The following CAMKMT variants were observed in gnomAD, a reference collection of about 807,000 sequenced individuals.
The protein encoded by CAMKMT is calmodulin-lysine N-methyltransferase, also known as CaM KMT.
Under a neutral mutation model 48.0 loss-of-function variants are expected in CAMKMT, and 53 were observed. The observed-to-expected ratio is 1.10, with a 90% CI of 0.89 to 1.39. The LOEUF is 1.39. Among genes scored for constraint, CAMKMT ranks in the 40% most tolerant of loss-of-function variants. The pLI is 0.00. For missense variants in CAMKMT, 428 were observed against 402.7 expected (o/e 1.06, Z -0.54); for synonymous variants, 165 against 152.3 (o/e 1.08, Z -0.61).
chr2:44,522,352 A>G (rs1404372875), intron 3 of CAMKMT, among the ~76,000 whole-genome samples: 1 of 152,072 alleles, frequency 6.6e-6, no homozygotes, highest in Non-Finnish European at 1.5e-5. Flanking sequence ...CTAAACTGAT[A>G]CAATTCCTTT....
intron 3 of CAMKMT, among the ~76,000 whole-genome samples, chr2:44,580,625 A>G (rs1208621295): frequency 2.6e-5 from 4 of 152,206 alleles, no homozygotes; most frequent in Non-Finnish European, 5.9e-5. Context: ...TCAAAAGAAT[A>G]GGGACAATTT....
At chr2:44,615,171 C>G (rs1044845568) in intron 3 of CAMKMT, among the ~76,000 whole-genome samples, 1 of 151,858 alleles carries the variant, frequency 6.6e-6, no homozygotes, top group Non-Finnish European at 1.5e-5. Flanking sequence ...AGTGATCCCC[C>G]GACCTCAGCC....
chr2:44,416,966 C>T (rs932247739), intron 3 of CAMKMT, among the ~76,000 whole-genome samples: 1 of 151,938 alleles, frequency 6.6e-6, no homozygotes. Context: ...CAGGGTCTCC[C>T]TCTGTTGCCC....
At chr2:44,667,596 T>C (rs1424876693) in intron 3 of CAMKMT, among the ~76,000 whole-genome samples, 2 of 152,208 alleles carry the variant, frequency 1.3e-5, no homozygotes, top group Non-Finnish European at 2.9e-5. Context: ...AGATCATCTA[T>C]CTGTAGTTTG....
intron 3 of CAMKMT, among the ~76,000 whole-genome samples, chr2:44,407,077 A>C (rs1074855): frequency 0.023 from 3,537 of 152,240 alleles, 153 homozygotes; most frequent in African/African-American, 0.081. Context: ...TTAGGTCATT[A>C]GTGTAGGAGA....
At chr2:44,500,686 CT>C (rs528633654) in intron 3 of CAMKMT, among the ~76,000 whole-genome samples, 7,075 of 138,262 alleles carry the variant, frequency 0.051, 532 homozygotes, top group African/African-American at 0.17. Flanking sequence ...TTCTCAGATA[CT>C]TTTTTTTTTT....
chr2:44,592,128 G>A (rs1320853920), intron 3 of CAMKMT, among the ~76,000 whole-genome samples: 1 of 151,902 alleles, frequency 6.6e-6, no homozygotes, highest in Non-Finnish European at 1.5e-5. Flanking sequence ...ACGAGTTAAT[G>A]GGTGCAGCAC....
intron 3 of CAMKMT, among the ~76,000 whole-genome samples, chr2:44,512,013 A>C (rs1378890513): frequency 3.9e-5 from 6 of 152,172 alleles, no homozygotes; most frequent in Non-Finnish European, 8.8e-5. Context: ...ACGTTCTGAG[A>C]ACTTTCTCTG....
At chr2:44,415,718 C>G (rs1027934768) in intron 3 of CAMKMT, among the ~76,000 whole-genome samples, 2 of 152,262 alleles carry the variant, frequency 1.3e-5, no homozygotes, top group Non-Finnish European at 1.5e-5. Flanking sequence ...AATGATTCCA[C>G]ATTTCTTCAA....
intron 3 of CAMKMT, among the ~76,000 whole-genome samples, chr2:44,683,456 T>C (rs1438970271): frequency 6.6e-6 from 1 of 152,210 alleles, no homozygotes; most frequent in Non-Finnish European, 1.5e-5. Flanking sequence ...CTAGCCTCTG[T>C]GTGCTAAGCA....
intron 3 of CAMKMT, among the ~76,000 whole-genome samples, chr2:44,580,108 CT>C (rs1359171160): frequency 2.0e-5 from 3 of 152,026 alleles, no homozygotes; most frequent in Admixed American, 1.3e-4. Flanking sequence ...TTTGTTCTAC[CT>C]TTGAAATGTC....
intron 1 of CAMKMT, 33 bp downstream of exon 1, chr2:44,362,178 T>C: frequency 7.0e-7 from 1 of 1,432,798 alleles, no homozygotes. Flanking sequence ...CACCTTTGCC[T>C]CTGGTCACTC....
chr2:44,416,567 GAT>G (rs1683566483), intron 3 of CAMKMT, among the ~76,000 whole-genome samples: 1 of 115,862 alleles, frequency 8.6e-6, no homozygotes, highest in South Asian at 3.0e-4. Context: ...CACTTAGCAT[GAT>G]TTTTTTTTTT....
chr2:44,553,866 A>G (rs1667858710), intron 3 of CAMKMT, among the ~76,000 whole-genome samples: 1 of 152,230 alleles, frequency 6.6e-6, no homozygotes, highest in Admixed American at 6.5e-5. Context: ...GTGAATTTAA[A>G]ATGTATGACA....
intron 3 of CAMKMT, among the ~76,000 whole-genome samples, chr2:44,431,864 C>T (rs982447324): frequency 6.6e-6 from 1 of 152,122 alleles, no homozygotes; most frequent in Non-Finnish European, 1.5e-5. Flanking sequence ...GATGTTAGCT[C>T]AATTGTAAGT....
intron 3 of CAMKMT, among the ~76,000 whole-genome samples, chr2:44,445,427 A>G (rs1270167393): frequency 6.6e-6 from 1 of 152,058 alleles, no homozygotes; most frequent in Admixed American, 6.6e-5. Context: ...TATCCCTTTC[A>G]AATGCATCCC....
At chr2:44,511,876 C>G (rs1670577334) in intron 3 of CAMKMT, among the ~76,000 whole-genome samples, 1 of 152,166 alleles carries the variant, frequency 6.6e-6, no homozygotes, top group East Asian at 1.9e-4. Flanking sequence ...ATACTGCAAA[C>G]CAATCTGTCC....
chr2:44,597,802 T>G (rs1670750525), intron 3 of CAMKMT, among the ~76,000 whole-genome samples: 2 of 152,164 alleles, frequency 1.3e-5, no homozygotes, highest in Admixed American at 6.5e-5. Context: ...AGTGGTGCGA[T>G]CTCAGCTCAC....
At chr2:44,747,007 A>G (rs1232132555) in intron 8 of CAMKMT, among the ~76,000 whole-genome samples, 1 of 152,190 alleles carries the variant, frequency 6.6e-6, no homozygotes, top group East Asian at 1.9e-4. Flanking sequence ...GACTCTGTGC[A>G]TTTGAATTCT....
Sources: gnomAD v4.1 joint callset for allele counts (sites outside exome capture counted in the v4.1 genomes callset) on GRCh38, gnomAD v4.1.1 for gene constraint, MANE v1.5 for transcripts, NCBI Gene and HGNC (gene_info 2026-07-23, HGNC 2026-07-21) for gene names.